PTPRS: variants seen among roughly 807,000 people sequenced by gnomAD.
The protein encoded by PTPRS is protein tyrosine phosphatase receptor type S.
A neutral mutation model predicts 215.3 loss-of-function variants in PTPRS; 63 were observed. The ratio of observed to expected loss-of-function variants is 0.29; its 90% CI spans 0.24 to 0.36. The LOEUF (loss-of-function observed/expected upper bound fraction) is 0.36. Ranked by LOEUF, PTPRS falls within the 10% of genes least tolerant of loss-of-function variation. The probability of loss-of-function intolerance (pLI) is 1.00; values close to 1 mark genes in which losing one functional copy is unlikely to be tolerated. For synonymous variants in PTPRS, 1,404 were observed against 1,191.4 expected, an observed-to-expected ratio of 1.18 and a Z score of -3.68; for missense variants, 2,258 against 2,825.8, an observed-to-expected ratio of 0.80 and a Z score of 4.56.
chr19:5,333,740 T>G (rs1039884059), intron 1 of PTPRS, among the ~76,000 whole-genome samples: 3 of 152,134 alleles, frequency 2.0e-5, no homozygotes, highest in South Asian at 4.1e-4. Context: ...ATCAGGAAAC[T>G]GAGGCACAGA....
chr19:5,302,422 G>C (rs2049330046), intron 1 of PTPRS, among the ~76,000 whole-genome samples: 1 of 151,824 alleles, frequency 6.6e-6, no homozygotes, highest in South Asian at 2.2e-4. Flanking sequence ...ATTTACTTAA[G>C]AAACTAATTC....
At chr19:5,280,728 A>C (rs914140999) in intron 2 of PTPRS, among the ~76,000 whole-genome samples, 1 of 152,108 alleles carries the variant, frequency 6.6e-6, no homozygotes, top group Non-Finnish European at 1.5e-5. Context: ...TCTCCAAAAC[A>C]AAACAAAACA....
intron 4 of PTPRS, among the ~76,000 whole-genome samples, chr19:5,272,159 GA>G (rs1387886233): frequency 1.3e-5 from 2 of 152,178 alleles, no homozygotes; most frequent in East Asian, 3.9e-4. Context: ...CTGCAGTGGA[GA>G]AGGCAGCACA....
chr19:5,309,640 C>T (rs931392200), intron 1 of PTPRS, among the ~76,000 whole-genome samples: 2 of 152,168 alleles, frequency 1.3e-5, no homozygotes, highest in Non-Finnish European at 2.9e-5. Flanking sequence ...ATCTTCGCCA[C>T]CTCAGCTCAT....
intron 16 of PTPRS, among the ~76,000 whole-genome samples, chr19:5,227,751 T>C (rs115622160): frequency 2.2e-3 from 332 of 152,212 alleles, no homozygotes; most frequent in African/African-American, 7.3e-3. Context: ...TCACTGAGTA[T>C]GACTGTTAGG....
chr19:5,260,815 A>G lies in PTPRS; in HGVS notation c.585T>C (p.Thr195=). 6.2e-7 allele frequency: 1 copy of G among 1,613,646 alleles called. No individual in the cohort carries two copies. Among genetic ancestry groups the G allele is most frequent in the Non-Finnish European group, 8.5e-7 (1 of 1,179,788 alleles). The change falls in exon 7 of 38, where the codon ACT becomes ACC. Residue 195 remains threonine, a synonymous_variant. Transcript: ENST00000262963. ...KQLRSETFES[T]PIRGALQIES... ...TGAGGAGCCTCTTACCTCGAATCGGAGTGCTTTCTGTAAGGGAAGCAGAGA... is the reference window on the plus strand; with the variant it reads ...TGAGGAGCCTCTTACCTCGAATCGGGGTGCTTTCTGTAAGGGAAGCAGAGA...
At position 5,214,626 on chromosome 19, in the gene PTPRS, G is replaced by A. The variant is rs757423838; in HGVS notation, c.4429C>T (p.Arg1477Cys). ...PLPETFGDFW[R>C]MVWEQRSATI... Reference sequence around the variant, plus strand: ...GCCGACCGCTGCTCCCACACCATACGCCAGAAGTCCCCAAAGGTCTCAGGC... The same window carrying A: ...GCCGACCGCTGCTCCCACACCATACACCAGAAGTCCCCAAAGGTCTCAGGC... The change falls in exon 29 of 38, where the codon CGT becomes TGT. Residue 1477 changes from arginine (R) to cysteine (C), a missense_variant. Coordinates refer to ENST00000262963, the MANE Select transcript of PTPRS (RefSeq NM_002850.4). The A allele has an allele frequency of 1.1e-5, 17 of 1,613,188 alleles. No individual in the cohort carries two copies. The highest frequency in any genetic ancestry group is 8.9e-5 in the East Asian group (4 of 44,896).
At chr19:5,275,474 C>T (rs1034133162) in intron 2 of PTPRS, among the ~76,000 whole-genome samples, 1 of 151,008 alleles carries the variant, frequency 6.6e-6, no homozygotes, top group Non-Finnish European at 1.5e-5. Context: ...GCAGCCTAGA[C>T]CTCCCAGGCT....
intron 9 of PTPRS, among the ~76,000 whole-genome samples, chr19:5,248,258 C>T (rs2044686408): frequency 6.6e-6 from 1 of 150,542 alleles, no homozygotes; most frequent in African/African-American, 2.5e-5. Flanking sequence ...TATCGACGTC[C>T]AAAACAAAAC....
intron 1 of PTPRS, among the ~76,000 whole-genome samples, chr19:5,299,041 C>T (rs568727828): frequency 9.2e-5 from 14 of 152,318 alleles, no homozygotes; most frequent in African/African-American, 3.4e-4. Context: ...ATTGCCTGCT[C>T]GGACCAGCAC....
At chr19:5,280,281 C>T (rs551180538) in intron 2 of PTPRS, among the ~76,000 whole-genome samples, 4 of 152,272 alleles carry the variant, frequency 2.6e-5, no homozygotes, top group Non-Finnish European at 4.4e-5. Flanking sequence ...TGGGCCCCAA[C>T]GCCTACCCAT....
intron 28 of PTPRS, among the ~76,000 whole-genome samples, chr19:5,215,080 C>T (rs897128658): frequency 3.9e-5 from 6 of 152,240 alleles, no homozygotes; most frequent in Non-Finnish European, 8.8e-5. Flanking sequence ...TCTGATTGGT[C>T]ACAACTGATG....
chr19:5,317,676 A>T (rs2049914154), intron 1 of PTPRS, among the ~76,000 whole-genome samples: 2 of 152,182 alleles, frequency 1.3e-5, no homozygotes, highest in Admixed American at 1.3e-4. Context: ...CCAAGCAAAC[A>T]TCTCAAATAA....
At chr19:5,309,224 C>T (rs566372519) in intron 1 of PTPRS, among the ~76,000 whole-genome samples, 14 of 152,262 alleles carry the variant, frequency 9.2e-5, no homozygotes, top group Non-Finnish European at 1.2e-4. Flanking sequence ...GCCTGTGCCA[C>T]GTGCTGTGTG....
At chr19:5,211,863 C>T in intron 32 of PTPRS, 95 bp from the exon 33 acceptor site, 1 of 1,569,740 alleles carries the variant, frequency 6.4e-7, no homozygotes. Context: ...TAGGGGCACC[C>T]TGCCACCACC....
At chr19:5,238,797 C>T in intron 13 of PTPRS, 122 bp downstream of exon 13, 1 of 1,316,778 alleles carries the variant, frequency 7.6e-7, no homozygotes, top group Non-Finnish European at 9.9e-7. Flanking sequence ...AAAGCGGAGA[C>T]AGGCCGGGAG....
chr19:5,283,178 G>C (rs1163358590), intron 2 of PTPRS, among the ~76,000 whole-genome samples: 1 of 152,172 alleles, frequency 6.6e-6, no homozygotes, highest in African/African-American at 2.4e-5. Context: ...CCCTGCCCGG[G>C]GCCAGCCCCA....
intron 1 of PTPRS, among the ~76,000 whole-genome samples, chr19:5,322,898 A>AAAGAAG (rs34686027): frequency 1.0e-4 from 12 of 120,342 alleles, no homozygotes; most frequent in South Asian, 5.2e-4. Flanking sequence ...AAAAAAAAAA[A>AAAGAAG]AAGAAGAAGA....
At chr19:5,212,880 C>T (rs1016448207) in intron 30 of PTPRS, among the ~76,000 whole-genome samples, 2 of 151,794 alleles carry the variant, frequency 1.3e-5, no homozygotes, top group African/African-American at 4.8e-5. Flanking sequence ...TCCCAGTCAC[C>T]ATGTCCCCAA....
Sources: allele counts gnomAD v4.1 joint callset (sites outside exome capture counted in the v4.1 genomes callset), GRCh38; gene constraint gnomAD v4.1.1; transcripts MANE v1.5; gene names NCBI Gene and HGNC (gene_info 2026-07-23, HGNC 2026-07-21).